Variants in DCLK1 observed in about 807,000 individuals in gnomAD.
DCLK1 encodes serine/threonine-protein kinase DCLK1.
A neutral mutation model predicts 86.2 loss-of-function variants in DCLK1; 16 were observed. That is an observed-to-expected ratio of 0.19 (90% CI 0.13 to 0.28). DCLK1 has a LOEUF of 0.28. DCLK1 is among the 10% of genes least tolerant of loss of function. The pLI, the probability that DCLK1 is intolerant of heterozygous loss-of-function variation, is 1.00. For synonymous variants in DCLK1, 369 were observed against 370.5 expected (o/e 1.00, Z 0.05); for missense variants, 590 against 940.2 (o/e 0.63, Z 4.87).
chr13:35,906,420 A>C (rs1356511434), intron 4 of DCLK1, among the ~76,000 whole-genome samples: 1 of 152,206 alleles, frequency 6.6e-6, no homozygotes, highest in Non-Finnish European at 1.5e-5. Context: ...AAATAAATTT[A>C]AAGAGCTATG....
At chr13:35,904,016 T>C (rs999561874) in intron 4 of DCLK1, among the ~76,000 whole-genome samples, 2 of 152,164 alleles carry the variant, frequency 1.3e-5, no homozygotes, top group African/African-American at 2.4e-5. Flanking sequence ...TGTTTATGGA[T>C]AGGTACAAAT....
chr13:35,980,315 TGCAGTAGTAC>T (rs1237579633), intron 3 of DCLK1, among the ~76,000 whole-genome samples: 1 of 151,912 alleles, frequency 6.6e-6, no homozygotes, highest in African/African-American at 2.4e-5. Flanking sequence ...ATTAGCCAGG[TGCAGTAGTAC>T]GCACCTGTGG....
intron 2 of DCLK1, among the ~76,000 whole-genome samples, chr13:36,121,821 G>A (rs1483150912): frequency 6.6e-6 from 1 of 152,136 alleles, no homozygotes; most frequent in Non-Finnish European, 1.5e-5. Context: ...CAAGAAACTA[G>A]TAGGCTGGGC....
At chr13:35,966,656 C>G (rs868442900) in intron 3 of DCLK1, among the ~76,000 whole-genome samples, 1 of 151,982 alleles carries the variant, frequency 6.6e-6, no homozygotes, top group African/African-American at 2.4e-5. Context: ...AGGCGCGCAC[C>G]GCCACGCCTG....
At chr13:35,875,437 C>T (rs1872536103) in intron 4 of DCLK1, among the ~76,000 whole-genome samples, 1 of 152,188 alleles carries the variant, frequency 6.6e-6, no homozygotes, top group Non-Finnish European at 1.5e-5. Context: ...GCCAGAGTTG[C>T]TAGCTGTGGC....
intron 3 of DCLK1, among the ~76,000 whole-genome samples, chr13:36,073,253 C>T (rs938532978): frequency 2.0e-5 from 3 of 152,206 alleles, no homozygotes; most frequent in Non-Finnish European, 4.4e-5. Context: ...TATCCTCCTA[C>T]GTCCAGCCCC....
At chr13:35,877,339 G>A (rs139383812) in intron 4 of DCLK1, among the ~76,000 whole-genome samples, 1 of 152,310 alleles carries the variant, frequency 6.6e-6, no homozygotes, top group African/African-American at 2.4e-5. Flanking sequence ...GAAACAGTTG[G>A]TAGGTAGGCT....
At chr13:36,051,585 T>G (rs150201921) in intron 3 of DCLK1, among the ~76,000 whole-genome samples, 1 of 152,032 alleles carries the variant, frequency 6.6e-6, no homozygotes, top group East Asian at 1.9e-4. Flanking sequence ...TTAATAACCA[T>G]GACAATTTTT....
At chr13:36,053,662 G>T (rs116576760) in intron 3 of DCLK1, among the ~76,000 whole-genome samples, 1 of 151,650 alleles carries the variant, frequency 6.6e-6, no homozygotes, top group Non-Finnish European at 1.5e-5. Flanking sequence ...ATTATATATT[G>T]TGACATATAT....
At chr13:35,847,765 T>C (rs1376580771) in intron 6 of DCLK1, 1 of 985,094 alleles carries the variant, frequency 1.0e-6, no homozygotes, top group Non-Finnish European at 1.2e-6. Context: ...CAAATGGTTT[T>C]AGAAAATGTT....
intron 4 of DCLK1, among the ~76,000 whole-genome samples, chr13:35,891,886 C>G (rs1458165131): frequency 6.6e-6 from 1 of 152,190 alleles, no homozygotes; most frequent in Non-Finnish European, 1.5e-5. Context: ...GGGTAGAGAT[C>G]AGGGCAGATG....
Position 35,793,401 on chromosome 13 carries a change from G to T in DCLK1, c.2023C>A (p.Pro675Thr). ...GAAACTCCAGCTGCTGTGCTATTCG[G>T]CTTGGGGCCTGTGTTGAAATGCTTC... ...IKKHFNTGPK[P>T]NSTAAGVSVI... The change falls in exon 16 of 17, where the codon CCG becomes ACG. Residue 675 changes from proline (P) to threonine (T), a missense_variant. By Grantham distance (38) the Pro-to-Thr change is conservative. This residue lies in a region of DCLK1 where 146 missense variants were observed against 190.2 expected (regional missense o/e 0.77). Coordinates refer to ENST00000360631, the MANE Select transcript of DCLK1 (RefSeq NM_001330071.2). 1 of 1,609,274 alleles carries T rather than the reference G, an allele frequency of 6.2e-7. No individual in the cohort carries two copies. Among genetic ancestry groups the T allele is most frequent in the East Asian group, 2.2e-5 (1 of 44,578 alleles).
intron 3 of DCLK1, among the ~76,000 whole-genome samples, chr13:36,025,204 G>A (rs1329961804): frequency 1.3e-5 from 2 of 152,054 alleles, no homozygotes; most frequent in African/African-American, 2.4e-5. Context: ...CTGACCTCAG[G>A]TGATCCACCC....
chr13:35,820,651 G>GT (rs944263645), intron 11 of DCLK1, among the ~76,000 whole-genome samples: 15 of 152,162 alleles, frequency 9.9e-5, no homozygotes, highest in Admixed American at 1.3e-4. Context: ...GCTTAGAGAA[G>GT]TTTTTAAACA....
In DCLK1 at chr13:36,131,200, C is replaced by T. The variant is rs1886351275; in HGVS notation, c.-106G>A. The T allele has an allele frequency of 6.6e-6, 1 of 151,224 alleles. No individual in the cohort carries two copies. The allele number at this position is 151,224 out of a possible 1,614,324, so 9.4% of individuals were successfully genotyped here. ...CTGTCCTCGCCGGGCTGGGCGCGGC[C>T]GGGGCTGCGGGGCTGCAGGGCTGGG... On this transcript the variant is annotated 5_prime_UTR_variant, in exon 1 of 17. Coordinates refer to ENST00000360631, the MANE Select transcript of DCLK1 (RefSeq NM_001330071.2).
intron 4 of DCLK1, among the ~76,000 whole-genome samples, chr13:35,936,973 T>TTTTTTTTTTTTTTTTTTTTTTTC (rs1876794122): frequency 7.5e-6 from 1 of 134,090 alleles, no homozygotes; most frequent in Non-Finnish European, 1.6e-5. Flanking sequence ...TTTTTTTTTT[T>TTTTTTTTTTTTTTTTTTTTTTTC]TTTTTTTTTT....
chr13:35,812,834 T>C (rs1213284205), intron 11 of DCLK1, among the ~76,000 whole-genome samples: 1 of 152,090 alleles, frequency 6.6e-6, no homozygotes, highest in Non-Finnish European at 1.5e-5. Context: ...AAAACAGCCA[T>C]ATGTCCCTCA....
intron 3 of DCLK1, among the ~76,000 whole-genome samples, chr13:35,955,199 T>G (rs1566618833): frequency 1.4e-5 from 2 of 147,438 alleles, no homozygotes; most frequent in African/African-American, 4.9e-5. Context: ...ATCTATCCTG[T>G]TTTTTTTTTA....
intron 3 of DCLK1, among the ~76,000 whole-genome samples, chr13:36,037,920 G>C (rs1038278352): frequency 6.6e-6 from 1 of 151,896 alleles, no homozygotes. Flanking sequence ...AACTTCCAAG[G>C]TTCCATGGGT....
Sources: allele counts gnomAD v4.1 joint callset (sites outside exome capture counted in the v4.1 genomes callset), GRCh38; gene constraint gnomAD v4.1.1; regional missense constraint gnomAD v4.1.1; transcripts MANE v1.5; gene names NCBI Gene and HGNC (gene_info 2026-07-23, HGNC 2026-07-21).